Variants in PPP1R14B observed in about 807,000 individuals in gnomAD.
The protein encoded by PPP1R14B is protein phosphatase 1 regulatory inhibitor subunit 14B.
In PPP1R14B, 4 loss-of-function variants were observed where a neutral mutation model predicts 14.7. The observed-to-expected ratio is 0.27, with a 90% CI of 0.13 to 0.62. The LOEUF (loss-of-function observed/expected upper bound fraction) is 0.62, where lower values mean the gene tolerates loss of function less well. PPP1R14B is among the 20% of genes least tolerant of loss of function. The probability of loss-of-function intolerance (pLI) is 0.85; values close to 1 mark genes in which losing one functional copy is unlikely to be tolerated. For synonymous variants in PPP1R14B, 76 were observed against 87.3 expected (o/e 0.87, Z 0.72); for missense variants, 138 against 201.5 (o/e 0.68, Z 1.91).
In PPP1R14B at chr11:64,246,943, C is replaced by G. The variant is rs1324515586; in HGVS notation, c.-270G>C. 1 of 152,254 alleles carries G rather than the reference C, an allele frequency of 6.6e-6. No homozygotes were observed. Among genetic ancestry groups the G allele is most frequent in the Non-Finnish European group, 1.4e-5 (1 of 69,446 alleles). The allele number at this position is 152,254 out of a possible 1,614,324, so 9.4% of individuals were successfully genotyped here. A position where few individuals can be genotyped will look rare whatever the true frequency, so the allele number is the denominator to read the frequency against. On this transcript the variant is annotated 5_prime_UTR_variant, in exon 1 of 4. Transcript: ENST00000309318. The stretch of plus-strand genomic sequence containing the variant: ...AGCCGCCGAAGCGCTTTCTCTGTCT[C>G]GCTCTTCCTCCGCCCCCCGACCACA...
At chr11:64,244,890 CA>C in intron 3 of PPP1R14B, 39 bp downstream of exon 3, 3 of 1,610,944 alleles carry the variant, frequency 1.9e-6, no homozygotes, top group Non-Finnish European at 8.5e-7. Context: ...GGGCTCCCCT[CA>C]CCCTGCCACC....
chr11:64,245,431 G>A (rs1230526245), intron 1 of PPP1R14B, 144 bp from the exon 2 acceptor site: 2 of 651,530 alleles, frequency 3.1e-6, no homozygotes, highest in Non-Finnish European at 5.2e-6. Context: ...GCTCTGGGGA[G>A]GAAAACAGAT....
At position 64,246,694 on chromosome 11, in the gene PPP1R14B, GC is replaced by G. The variant is rs2030893804; in HGVS notation, c.-22del. ...GCCATGGCGGCCGCCGGGGCCACGT[GC>G]GAGCGTCGGGCCCCTCCCTGCGCCA... On this transcript the variant is annotated 5_prime_UTR_variant, in exon 1 of 4. Transcript: ENST00000309318. 9.4e-7 allele frequency: 1 copy of G among 1,066,600 alleles called. No individual in the cohort carries two copies. The highest frequency in any genetic ancestry group is 5.4e-5 in the Admixed American group (1 of 18,500). 66.1% of individuals were successfully genotyped at this position (1,066,600 alleles called of 1,614,324 possible). A position where few individuals can be genotyped will look rare whatever the true frequency, so the allele number is the denominator to read the frequency against.
rs146460382 is a variant in PPP1R14B at position 64,245,233 on chromosome 11, T to C, written c.313A>G (p.Ser105Gly). ...ACCCTGGCAGCCCGGGCATCGTCAC[T>C]CTCCATGTCCAGGAGCTCATCCACG... is the stretch of plus-strand genomic sequence containing the variant. ...IDVDELLDME[S>G]DDARAARVKE... is the part of the protein sequence containing the mutation. Residue 105 changes from serine to glycine, a missense_variant, in exon 2 of 4, where the codon AGT (serine) becomes GGT (glycine). This residue lies in a region of PPP1R14B where 84 missense variants were observed against 137.5 expected (regional missense o/e 0.61). Coordinates refer to ENST00000309318, the MANE Select transcript of PPP1R14B (RefSeq NM_138689.3). 1.6e-4 allele frequency: 255 copies of C among 1,612,426 alleles called. No homozygotes were observed. Among genetic ancestry groups the C allele is most frequent in the Non-Finnish European group, 2.1e-4 (245 of 1,179,458 alleles).
chr11:64,246,361 C>G, intron 1 of PPP1R14B, 55 bp downstream of exon 1: 1 of 1,556,656 alleles, frequency 6.4e-7, no homozygotes, highest in Non-Finnish European at 8.7e-7. Flanking sequence ...GTGGAGCTGC[C>G]AGGCGGACCG....
rs1422022769 is a variant in PPP1R14B at position 64,246,695 on chromosome 11, C to A, written c.-22G>T. On this transcript the variant is annotated 5_prime_UTR_variant, in exon 1 of 4. Transcript: ENST00000309318. ...CCATGGCGGCCGCCGGGGCCACGTG[C>A]GAGCGTCGGGCCCCTCCCTGCGCCA... is the stretch of plus-strand genomic sequence containing the variant. 3 of 1,066,118 alleles carry A rather than the reference C, an allele frequency of 2.8e-6. No individual in the cohort carries two copies. Among genetic ancestry groups the A allele is most frequent in the South Asian group, 4.4e-5 (1 of 22,816 alleles). 66.0% of individuals were successfully genotyped at this position (1,066,118 alleles called of 1,614,324 possible). A position where few individuals can be genotyped will look rare whatever the true frequency, so the allele number is the denominator to read the frequency against.
chr11:64,246,465 T>A lies in PPP1R14B; in HGVS notation c.209A>T (p.Asn70Ile), dbSNP rs1329261290. The A allele has an allele frequency of 6.2e-7, 1 of 1,609,896 alleles. No individual in the cohort carries two copies. The highest frequency in any genetic ancestry group is 8.5e-7 in the Non-Finnish European group (1 of 1,179,048). Residue 70 changes from asparagine (N) to isoleucine (I), a missense_variant, in exon 1 of 4, where the codon AAC becomes ATC. By Grantham distance (149) the Asn-to-Ile change is moderately radical. Transcript: ENST00000309318. ...YDRKELRKRL[N>I]LEEWILEQLT... ...CTGCTCCAGGATCCACTCCTCTAGG[T>A]TGAGGCGCTTCCGTAGCTCCTTGCG...
intron 2 of PPP1R14B, 45 bp from the exon 3 acceptor site, chr11:64,245,007 G>A (rs1413563739): frequency 1.3e-6 from 2 of 1,576,032 alleles, no homozygotes; most frequent in African/African-American, 2.7e-5. Flanking sequence ...CCTCAGGAGT[G>A]GGGGCCTGGA....
At chr11:64,245,050 C>T (rs2030820668) in intron 2 of PPP1R14B, 88 bp from the exon 3 acceptor site, 3 of 1,476,002 alleles carry the variant, frequency 2.0e-6, no homozygotes, top group Non-Finnish European at 2.8e-6. Flanking sequence ...GAGACTGGGG[C>T]CACCCTGAGG....
intron 3 of PPP1R14B, 44 bp from the exon 4 acceptor site, chr11:64,244,866 A>T: frequency 6.2e-7 from 1 of 1,613,024 alleles, no homozygotes; most frequent in Non-Finnish European, 8.5e-7. Context: ...CCAGACCCCA[A>T]GATGACAGGA....
chr11:64,246,176 A>G, intron 1 of PPP1R14B: 1 of 566,126 alleles, frequency 1.8e-6, no homozygotes, highest in South Asian at 2.2e-5. Flanking sequence ...TCTGGAGGAC[A>G]CTAGGCTTGA....
At chr11:64,246,233 G>A (rs888243764) in intron 1 of PPP1R14B, 183 bp downstream of exon 1, 31 of 794,078 alleles carry the variant, frequency 3.9e-5, no homozygotes, top group Non-Finnish European at 6.1e-5. Flanking sequence ...CAACGGAGAA[G>A]GCAGAAGTGA....
At chr11:64,244,884 T>G in intron 3 of PPP1R14B, 46 bp downstream of exon 3, 2 of 1,611,544 alleles carry the variant, frequency 1.2e-6, no homozygotes, top group Middle Eastern at 1.7e-4. Flanking sequence ...GGAGCCGGGC[T>G]CCCCTCACCC....
chr11:64,245,297 G>A lies in PPP1R14B; in HGVS notation c.259-10C>T, dbSNP rs2030831499. ...CTGGGATCTCCTCTTCCTGGGGTGGGGGTGGGGGAGGAGGGAGAGACATAA... is the reference window on the plus strand; with the variant it reads ...CTGGGATCTCCTCTTCCTGGGGTGGAGGTGGGGGAGGAGGGAGAGACATAA... On this transcript the variant is annotated splice_polypyrimidine_tract_variant and intron_variant, in intron 1 of 3. Transcript: ENST00000309318. 10 of 1,604,664 alleles carry A rather than the reference G, an allele frequency of 6.2e-6. No homozygotes were observed. The highest frequency in any genetic ancestry group is 8.5e-6 in the Non-Finnish European group (10 of 1,171,824).
intron 1 of PPP1R14B, chr11:64,245,867 G>A (rs1468131492): frequency 6.3e-6 from 1 of 157,854 alleles, no homozygotes; most frequent in Non-Finnish European, 1.4e-5. Context: ...GGGTAGGCAG[G>A]CAGCACCGGG....
Position 64,244,837 on chromosome 11 carries a change from AG to A in PPP1R14B, c.376-16del. On this transcript the variant is annotated splice_polypyrimidine_tract_variant and intron_variant, in intron 3 of 3. Transcript: ENST00000309318. ...GAAATGAAGGCCTGGATGGGGTGGG[AG>A]GGTAAACATTAAGGAGACCAGACCC... 1.2e-6 allele frequency: 2 copies of A among 1,613,984 alleles called. No homozygotes were observed. The highest frequency in any genetic ancestry group is 2.2e-5 in the South Asian group (2 of 91,076).
In PPP1R14B at chr11:64,246,931, C is replaced by G. The variant is rs1466776161; in HGVS notation, c.-258G>C. On this transcript the variant is annotated 5_prime_UTR_variant, in exon 1 of 4. Transcript: ENST00000309318. Reference sequence around the variant, plus strand: ...CGCCCGAGCTGCAGCCGCCGAAGCGCTTTCTCTGTCTCGCTCTTCCTCCGC... The same window carrying G: ...CGCCCGAGCTGCAGCCGCCGAAGCGGTTTCTCTGTCTCGCTCTTCCTCCGC... 1.3e-5 allele frequency: 2 copies of G among 154,842 alleles called. No individual in the cohort carries two copies. Among genetic ancestry groups the G allele is most frequent in the Admixed American group, 6.6e-5 (1 of 15,210 alleles). 9.6% of individuals were successfully genotyped at this position (154,842 alleles called of 1,614,324 possible).
rs771802143 is a variant in PPP1R14B at position 64,246,568 on chromosome 11, C to T, written c.106G>A (p.Ala36Thr). The T allele has an allele frequency of 3.0e-5, 48 of 1,604,680 alleles. No homozygotes were observed. The highest frequency in any genetic ancestry group is 3.6e-5 in the Non-Finnish European group (42 of 1,177,148). Residue 36 changes from alanine (A) to threonine (T), a missense_variant, in exon 1 of 4, where the codon GCC becomes ACC. Physicochemically the swap from Ala to Thr is moderately conservative, Grantham distance 58 (BLOSUM62 0). Transcript: ENST00000309318. ...PRVYFQSPPG[A>T]AGEGPGGADD... ...GCCCCGCCCGGGCCCTCTCCTGCGG[C>T]CCCGGGGGGGCTCTGAAAGTAGACG... is the stretch of plus-strand genomic sequence containing the variant.
chr11:64,246,193 G>C, intron 1 of PPP1R14B: 3 of 599,458 alleles, frequency 5.0e-6, no homozygotes, highest in Non-Finnish European at 8.6e-6. Flanking sequence ...TTGACCTGGG[G>C]AGTGGCATGA....
Sources: gnomAD v4.1 joint callset for allele counts on GRCh38, gnomAD v4.1.1 for gene constraint, gnomAD v4.1.1 regional missense constraint, MANE v1.5 for transcripts, NCBI Gene and HGNC (gene_info 2026-07-23, HGNC 2026-07-21) for gene names.